The following RIMS2 variants were observed in gnomAD, a reference collection of about 807,000 sequenced individuals.
RIMS2 encodes the protein regulating synaptic membrane exocytosis protein 2.
Under a neutral mutation model 174.4 loss-of-function variants are expected in RIMS2, and 59 were observed. That is an observed-to-expected ratio of 0.34 (90% CI 0.27 to 0.42). The LOEUF is 0.42. Among genes scored for constraint, RIMS2 ranks in the 10% least tolerant of loss-of-function variants. The pLI, the probability that RIMS2 is intolerant of heterozygous loss-of-function variation, is 1.00. For synonymous variants in RIMS2, 606 were observed against 572.5 expected (o/e 1.06, Z -0.84); for missense variants, 1,620 against 1,666.3 (o/e 0.97, Z 0.48).
chr8:103,881,545 C>T (rs1240317046), intron 3 of RIMS2, among the ~76,000 whole-genome samples: 2 of 151,512 alleles, frequency 1.3e-5, no homozygotes, highest in Non-Finnish European at 3.0e-5. Context: ...GTTTTCCCAT[C>T]AGTCAGTATG....
intron 1 of RIMS2, among the ~76,000 whole-genome samples, chr8:103,622,668 T>G (rs1453673367): frequency 6.6e-6 from 1 of 152,222 alleles, no homozygotes; most frequent in Non-Finnish European, 1.5e-5. Flanking sequence ...TAGCACCACC[T>G]GTTCAACAAG....
intron 22 of RIMS2, 21 bp downstream of exon 28, chr8:104,249,609 T>C: frequency 1.5e-6 from 2 of 1,295,478 alleles, no homozygotes; most frequent in Non-Finnish European, 2.2e-6. Flanking sequence ...AAGAGATTTT[T>C]CTATTATTGT....
intron 1 of RIMS2, among the ~76,000 whole-genome samples, chr8:103,516,096 C>A (rs1432633431): frequency 2.6e-5 from 4 of 151,934 alleles, no homozygotes; most frequent in Non-Finnish European, 5.9e-5. Flanking sequence ...TTGGCAGTTT[C>A]TATGTAGACT....
chr8:104,114,366 A>G (rs2131943980), intron 19 of RIMS2, among the ~76,000 whole-genome samples: 1 of 152,122 alleles, frequency 6.6e-6, no homozygotes, highest in South Asian at 2.1e-4. Flanking sequence ...TCAGTACATA[A>G]TGCATTCATC....
In RIMS2 at chr8:104,061,058, T is replaced by C. The variant is rs903534271; in HGVS notation, c.3334+46443T>C. Among the ~76,000 whole-genome samples, 5 of 152,236 alleles carry C rather than the reference T, an allele frequency of 3.3e-5. No homozygotes were observed. In the South Asian group the frequency reaches 1.0e-3, roughly 32 times the overall value. ...AAATGTATATTCCGTTGATTTGGTG[T>C]GGAGAGTTCTGTAGATGTCTATTAG... On this transcript the variant is annotated intron_variant, in intron 19 of 23. Coordinates refer to ENST00000504942, the Ensembl canonical transcript of RIMS2.
At chr8:103,924,606 C>A (rs1404106195) in intron 10 of RIMS2, among the ~76,000 whole-genome samples, 1 of 151,534 alleles carries the variant, frequency 6.6e-6, no homozygotes, top group African/African-American at 2.4e-5. Context: ...TACTTGGGCC[C>A]ATACTTCACT....
intron 1 of RIMS2, among the ~76,000 whole-genome samples, chr8:103,651,929 C>A (rs977739559): frequency 3.3e-5 from 5 of 152,000 alleles, no homozygotes; most frequent in Non-Finnish European, 7.4e-5. Context: ...TAAAAATCTT[C>A]AATATCAATA....
At chr8:104,153,716 C>G (rs1008102792) in intron 19 of RIMS2, among the ~76,000 whole-genome samples, 17 of 151,886 alleles carry the variant, frequency 1.1e-4, no homozygotes, top group African/African-American at 4.1e-4. Flanking sequence ...AAAGACTGAG[C>G]CCTAAGACAT....
chr8:103,614,396 C>T (rs748769770), intron 1 of RIMS2, among the ~76,000 whole-genome samples: 1 of 152,254 alleles, frequency 6.6e-6, no homozygotes, highest in Non-Finnish European at 1.5e-5. Context: ...GCTGCATGGC[C>T]TTTGCTAGTG....
chr8:103,505,658 T>C (rs1823142755), intron 1 of RIMS2, among the ~76,000 whole-genome samples: 1 of 152,186 alleles, frequency 6.6e-6, no homozygotes, highest in African/African-American at 2.4e-5. Flanking sequence ...GTTAGTATAT[T>C]TTAAATTTAA....
intron 17 of RIMS2, chr8:103,998,294 G>T: frequency 1.5e-6 from 2 of 1,309,208 alleles, no homozygotes; most frequent in Non-Finnish European, 1.1e-6. Context: ...AATTGCTTGT[G>T]CCTGTGTATT....
intron 19 of RIMS2, among the ~76,000 whole-genome samples, chr8:104,134,194 G>A (rs2098498904): frequency 6.6e-6 from 1 of 152,220 alleles, no homozygotes; most frequent in South Asian, 2.1e-4. Flanking sequence ...GCCAGGCACA[G>A]TGGCTCACGC....
chr8:104,029,301 C>T (rs2096332844), intron 19 of RIMS2, among the ~76,000 whole-genome samples: 1 of 152,148 alleles, frequency 6.6e-6, no homozygotes, highest in African/African-American at 2.4e-5. Flanking sequence ...GAATGCCTAA[C>T]ATCCTGGGAA....
At chr8:104,243,541 A>C (rs1588144850) in intron 19 of RIMS2, among the ~76,000 whole-genome samples, 1 of 151,972 alleles carries the variant, frequency 6.6e-6, no homozygotes, top group East Asian at 1.9e-4. Context: ...AAAAAATTAG[A>C]AGGGCATGGT....
intron 19 of RIMS2, among the ~76,000 whole-genome samples, chr8:104,117,871 G>A (rs908220322): frequency 3.1e-4 from 47 of 152,116 alleles, no homozygotes; most frequent in Non-Finnish European, 3.1e-4. Flanking sequence ...CTGCCTAATA[G>A]CTGTATATAT....
intron 4 of RIMS2, among the ~76,000 whole-genome samples, chr8:103,904,495 TAG>T (rs954624543): frequency 6.6e-6 from 1 of 152,050 alleles, no homozygotes; most frequent in African/African-American, 2.4e-5. Context: ...AATTTTTTTT[TAG>T]AGTTTTTAAA....
At chr8:103,837,528 C>T (rs996948030) in intron 3 of RIMS2, among the ~76,000 whole-genome samples, 1 of 152,204 alleles carries the variant, frequency 6.6e-6, no homozygotes, top group African/African-American at 2.4e-5. Flanking sequence ...CCCCCCTCAA[C>T]AGACCCCAGT....
intron 19 of RIMS2, among the ~76,000 whole-genome samples, chr8:104,185,448 A>G (rs2136123167): frequency 6.6e-6 from 1 of 151,748 alleles, no homozygotes; most frequent in South Asian, 2.1e-4. Context: ...TGGTATCTGT[A>G]GCCAAAAATT....
At chr8:103,774,167 A>G (rs1049190578) in intron 3 of RIMS2, among the ~76,000 whole-genome samples, 2 of 152,228 alleles carry the variant, frequency 1.3e-5, no homozygotes, top group South Asian at 4.1e-4. Context: ...AAATATTAAA[A>G]TGATCTAAAC....
Sources: allele counts gnomAD v4.1 joint callset (sites outside exome capture counted in the v4.1 genomes callset), GRCh38; gene constraint gnomAD v4.1.1; transcripts MANE v1.5; gene names NCBI Gene and HGNC (gene_info 2026-07-23, HGNC 2026-07-21).